The following NRG3 variants were observed in gnomAD, a reference collection of about 807,000 sequenced individuals.
NRG3 encodes the protein pro-neuregulin-3, membrane-bound isoform.
Under a neutral mutation model 66.9 loss-of-function variants are expected in NRG3, and 31 were observed. The ratio of observed to expected loss-of-function variants is 0.46; its 90% CI spans 0.35 to 0.63. NRG3 has a LOEUF of 0.63. NRG3 is among the 20% of genes least tolerant of loss of function. The pLI, the probability that NRG3 is intolerant of heterozygous loss-of-function variation, is 0.00. For missense variants in NRG3, 910 were observed against 878.9 expected, an observed-to-expected ratio of 1.04 and a Z score of -0.45; for synonymous variants, 393 against 359.4, an observed-to-expected ratio of 1.09 and a Z score of -1.06.
intron 2 of NRG3, among the ~76,000 whole-genome samples, chr10:82,413,851 C>T (rs1309888415): frequency 1.3e-5 from 2 of 152,162 alleles, no homozygotes; most frequent in African/African-American, 4.8e-5. Context: ...TTTTCTTCTG[C>T]AGCCTCCTCA....
At chr10:82,137,704 T>C (rs575645133) in intron 1 of NRG3, among the ~76,000 whole-genome samples, 33 of 152,306 alleles carry the variant, frequency 2.2e-4, no homozygotes, top group Non-Finnish European at 4.1e-4. Flanking sequence ...ACCCAGGCTT[T>C]AGTATTAAAA....
chr10:82,808,354 G>C (rs1189203557), intron 3 of NRG3, among the ~76,000 whole-genome samples: 1 of 152,052 alleles, frequency 6.6e-6, no homozygotes, highest in African/African-American at 2.4e-5. Context: ...TTTACTAAAT[G>C]TTCCAGAAAA....
chr10:82,280,430 G>A (rs2079066510), intron 1 of NRG3, among the ~76,000 whole-genome samples: 1 of 152,136 alleles, frequency 6.6e-6, no homozygotes, highest in South Asian at 2.1e-4. Flanking sequence ...CCTTTTGGAA[G>A]ACTTTGTCCT....
chr10:82,326,228 A>G (rs1034408443), intron 1 of NRG3, among the ~76,000 whole-genome samples: 3 of 152,084 alleles, frequency 2.0e-5, no homozygotes, highest in African/African-American at 7.2e-5. Flanking sequence ...CTCTATTGAC[A>G]TCTCTGTTGC....
At chr10:82,131,549 G>A (rs1173852557) in intron 1 of NRG3, among the ~76,000 whole-genome samples, 1 of 151,850 alleles carries the variant, frequency 6.6e-6, no homozygotes, top group East Asian at 1.9e-4. Flanking sequence ...ATCAAATTTA[G>A]GATTATTTTT....
At chr10:82,620,259 T>G (rs1354498329) in intron 2 of NRG3, among the ~76,000 whole-genome samples, 1 of 152,196 alleles carries the variant, frequency 6.6e-6, no homozygotes, top group East Asian at 1.9e-4. Flanking sequence ...GGCAAAGGAC[T>G]AGTGTGACAG....
intron 7 of NRG3, among the ~76,000 whole-genome samples, chr10:82,975,450 T>G (rs1842802881): frequency 6.6e-6 from 1 of 152,186 alleles, no homozygotes; most frequent in African/African-American, 2.4e-5. Flanking sequence ...TGCTCCCTCC[T>G]AAACTTGGCT....
chr10:82,377,137 ATTTTACT>A (rs1175381001), intron 2 of NRG3, among the ~76,000 whole-genome samples: 1 of 152,114 alleles, frequency 6.6e-6, no homozygotes, highest in Non-Finnish European at 1.5e-5. Context: ...GTGAATTTAA[ATTTTACT>A]TTTTTCTTTA....
intron 2 of NRG3, among the ~76,000 whole-genome samples, chr10:82,617,930 A>G (rs1316354310): frequency 1.3e-5 from 2 of 152,136 alleles, no homozygotes; most frequent in African/African-American, 4.8e-5. Flanking sequence ...ATAAAATATC[A>G]TTTAGGGAGA....
At chr10:82,397,579 C>T (rs2086794508) in intron 2 of NRG3, among the ~76,000 whole-genome samples, 1 of 152,062 alleles carries the variant, frequency 6.6e-6, no homozygotes, top group South Asian at 2.1e-4. Context: ...CATTTCTAAT[C>T]TAGAGTCAGT....
intron 1 of NRG3, among the ~76,000 whole-genome samples, chr10:82,177,093 T>C (rs2073096693): frequency 6.6e-6 from 1 of 152,070 alleles, no homozygotes; most frequent in South Asian, 2.1e-4. Flanking sequence ...GTGAAGAGGA[T>C]TAAATAAGAT....
intron 3 of NRG3, among the ~76,000 whole-genome samples, chr10:82,864,719 A>G (rs1840534699): frequency 6.6e-6 from 1 of 152,216 alleles, no homozygotes. Flanking sequence ...TTCTATATGC[A>G]CGTAGAACAG....
chr10:82,519,766 T>A (rs1008608897), intron 2 of NRG3, among the ~76,000 whole-genome samples: 2 of 152,144 alleles, frequency 1.3e-5, no homozygotes, highest in Non-Finnish European at 2.9e-5. Flanking sequence ...GAGTGTCAGG[T>A]CCATGGGGGA....
intron 2 of NRG3, among the ~76,000 whole-genome samples, chr10:82,553,854 T>A (rs1156878963): frequency 1.3e-5 from 2 of 152,164 alleles, no homozygotes; most frequent in African/African-American, 4.8e-5. Context: ...CATGTATACT[T>A]GCCATAAATA....
intron 1 of NRG3, among the ~76,000 whole-genome samples, chr10:82,062,588 G>A (rs1489597869): frequency 3.4e-5 from 5 of 148,792 alleles, no homozygotes; most frequent in Non-Finnish European, 7.4e-5. Flanking sequence ...CCTAGGGGCA[G>A]AGCAAGACTC....
chr10:82,373,917 A>G (rs2085050063), intron 2 of NRG3, among the ~76,000 whole-genome samples: 1 of 152,174 alleles, frequency 6.6e-6, no homozygotes, highest in Non-Finnish European at 1.5e-5. Flanking sequence ...AAGCTAACCA[A>G]AACATTATCT....
At chr10:82,435,231 T>G (rs1473414144) in intron 2 of NRG3, among the ~76,000 whole-genome samples, 1 of 152,212 alleles carries the variant, frequency 6.6e-6, no homozygotes, top group South Asian at 2.1e-4. Flanking sequence ...TTTATTTGCA[T>G]AGAGGTGTTT....
chr10:82,981,691 T>A (rs757177957), intron 8 of NRG3, among the ~76,000 whole-genome samples: 1 of 152,134 alleles, frequency 6.6e-6, no homozygotes, highest in Non-Finnish European at 1.5e-5. Flanking sequence ...TATTGTAGCC[T>A]GGGGAAGGAG....
chr10:82,159,124 T>C (rs1164071016), intron 1 of NRG3, among the ~76,000 whole-genome samples: 1 of 151,992 alleles, frequency 6.6e-6, no homozygotes, highest in East Asian at 1.9e-4. Context: ...TAAACTTCCA[T>C]GAAGGCTGCA....
Sources: allele counts gnomAD v4.1 joint callset (sites outside exome capture counted in the v4.1 genomes callset), GRCh38; gene constraint gnomAD v4.1.1; transcripts MANE v1.5; gene names NCBI Gene and HGNC (gene_info 2026-07-23, HGNC 2026-07-21).